Variants in LRP1B observed in about 807,000 individuals in gnomAD.
LRP1B encodes low-density lipoprotein receptor-related protein 1B.
In LRP1B, 217 loss-of-function variants were observed where a neutral mutation model predicts 556.6. The observed-to-expected ratio is 0.39, with a 90% CI of 0.35 to 0.44. LRP1B has a LOEUF of 0.44. Among genes scored for constraint, LRP1B ranks in the 20% least tolerant of loss-of-function variants. The pLI, the probability that LRP1B is intolerant of heterozygous loss-of-function variation, is 1.00. For synonymous variants in LRP1B, 2,047 were observed against 1,865.8 expected (o/e 1.10, Z -2.50); for missense variants, 5,053 against 5,620.8 (o/e 0.90, Z 3.23).
rs1697888910 is a variant in LRP1B, at chr2:141,015,983, C to T, written c.1971-68G>A. The T allele has an allele frequency of 1.0e-5, 12 of 1,200,776 alleles. No individual in the cohort carries two copies. In the South Asian group the frequency reaches 1.3e-4, roughly 13 times the overall value. The allele number at this position is 1,200,776 out of a possible 1,614,324, so 74.4% of individuals were successfully genotyped here. On this transcript the variant is annotated intron_variant, in intron 12 of 90. Transcript: ENST00000389484. The stretch of plus-strand genomic sequence containing the variant: ...CAACCAGCCACAGTATAGACACTTC[C>T]TCAGATTTGGCAGTTCCATAAATTC...
At chr2:140,659,235 C>G (rs560567061) in intron 41 of LRP1B, among the ~76,000 whole-genome samples, 3 of 149,926 alleles carry the variant, frequency 2.0e-5, no homozygotes, top group Non-Finnish European at 4.4e-5. Context: ...TAAGAAGATC[C>G]CACTTTACTG....
intron 1 of LRP1B, among the ~76,000 whole-genome samples, chr2:142,002,018 A>G (rs1486689017): frequency 6.6e-6 from 1 of 152,182 alleles, no homozygotes; most frequent in Non-Finnish European, 1.5e-5. Context: ...ACATTAATTC[A>G]ACTAAAAAAG....
intron 5 of LRP1B, among the ~76,000 whole-genome samples, chr2:141,241,235 C>G (rs184330615): frequency 6.6e-6 from 1 of 152,078 alleles, no homozygotes. Flanking sequence ...AGTAAAAATA[C>G]TCCATAAAAT....
chr2:141,960,956 CTTTT>C (rs982883339), intron 1 of LRP1B, among the ~76,000 whole-genome samples: 1 of 151,526 alleles, frequency 6.6e-6, no homozygotes, highest in Admixed American at 6.6e-5. Context: ...ATCAGCTCAG[CTTTT>C]TTTATTAAAT....
intron 27 of LRP1B, 140 bp from the exon 28 acceptor site, chr2:140,851,923 C>A: frequency 1.8e-6 from 1 of 563,604 alleles, no homozygotes; most frequent in Non-Finnish European, 3.1e-6. Flanking sequence ...ATTAATATGA[C>A]AATAATAGAC....
At chr2:140,548,076 G>C (rs535671778) in intron 43 of LRP1B, among the ~76,000 whole-genome samples, 52 of 151,980 alleles carry the variant, frequency 3.4e-4, no homozygotes, top group African/African-American at 1.2e-3. Context: ...TAGCCAATAA[G>C]AGAATTATAC....
intron 3 of LRP1B, among the ~76,000 whole-genome samples, chr2:141,359,434 G>A (rs1329204852): frequency 6.6e-6 from 1 of 152,080 alleles, no homozygotes; most frequent in Admixed American, 6.6e-5. Flanking sequence ...AATGACTTAC[G>A]AGGAAAAGCG....
intron 1 of LRP1B, among the ~76,000 whole-genome samples, chr2:142,098,200 T>C (rs1024673698): frequency 6.6e-6 from 1 of 151,702 alleles, no homozygotes; most frequent in Non-Finnish European, 1.5e-5. Flanking sequence ...TTGCTGGAGA[T>C]TGGATCCAGA....
intron 2 of LRP1B, among the ~76,000 whole-genome samples, chr2:141,544,315 TC>T (rs747968477): frequency 6.9e-5 from 2 of 29,110 alleles, no homozygotes; most frequent in African/African-American, 2.0e-4. Context: ...TTCTTCTTCT[TC>T]TTCTTCTTCT....
chr2:141,812,463 T>TCCCA (rs952495067), intron 1 of LRP1B, among the ~76,000 whole-genome samples: 47 of 152,168 alleles, frequency 3.1e-4, no homozygotes, highest in African/African-American at 1.1e-3. Context: ...TCTCCCTTCC[T>TCCCA]CCCAAACCAT....
Position 140,325,797 on chromosome 2 carries a change from C to A in LRP1B, c.12305G>T (p.Gly4102Val), listed in dbSNP as rs2105064044. 1 of 1,612,704 alleles carries A rather than the reference C, an allele frequency of 6.2e-7. No individual in the cohort carries two copies. The highest frequency in any genetic ancestry group is 2.2e-5 in the East Asian group (1 of 44,708). ...LSIIGSVLYD[G>V]SNSVVSVSSK... The stretch of plus-strand genomic sequence containing the variant: ...GCTGACAGAGACTACTGAATTAGAG[C>A]CATCATACAGAACACTGCCAATGAT... The change falls in exon 80 of 91, where the codon GGC becomes GTC. Residue 4102 changes from glycine (G) to valine (V), a missense_variant. Physicochemically the swap from Gly to Val is moderately radical, Grantham distance 109. This residue lies in a region of LRP1B where 551 missense variants were observed against 592.0 expected (regional missense o/e 0.93). Coordinates refer to ENST00000389484, the MANE Select transcript of LRP1B (RefSeq NM_018557.3).
At chr2:141,072,221 C>A (rs1699666295) in intron 7 of LRP1B, among the ~76,000 whole-genome samples, 1 of 152,072 alleles carries the variant, frequency 6.6e-6, no homozygotes, top group African/African-American at 2.4e-5. Context: ...ATGGTAAAAT[C>A]CACTGCTTTG....
intron 33 of LRP1B, among the ~76,000 whole-genome samples, chr2:140,773,566 A>G (rs1689391524): frequency 6.6e-6 from 1 of 151,950 alleles, no homozygotes; most frequent in African/African-American, 2.4e-5. Flanking sequence ...CTGGGGCTGT[A>G]TATTTTTAAT....
chr2:140,446,597 T>C (rs911011017), intron 63 of LRP1B, among the ~76,000 whole-genome samples: 1 of 152,080 alleles, frequency 6.6e-6, no homozygotes, highest in Non-Finnish European at 1.5e-5. Flanking sequence ...ACCATGACTC[T>C]CAAGCAAAGT....
intron 35 of LRP1B, among the ~76,000 whole-genome samples, chr2:140,739,469 T>C (rs1462198724): frequency 1.3e-5 from 2 of 151,968 alleles, no homozygotes; most frequent in Non-Finnish European, 2.9e-5. Context: ...GTGTAAGAAA[T>C]TCAGAGGTTG....
chr2:140,373,501 T>A (rs984773326), intron 68 of LRP1B, among the ~76,000 whole-genome samples: 4 of 152,030 alleles, frequency 2.6e-5, no homozygotes, highest in African/African-American at 7.2e-5. Flanking sequence ...TAAAAAAAAA[T>A]TTTATGGCTT....
chr2:142,057,212 T>C (rs1704708513), intron 1 of LRP1B, among the ~76,000 whole-genome samples: 1 of 152,160 alleles, frequency 6.6e-6, no homozygotes, highest in Non-Finnish European at 1.5e-5. Flanking sequence ...ACATTGCACC[T>C]TAATTACCCC....
intron 18 of LRP1B, among the ~76,000 whole-genome samples, chr2:140,956,569 A>G (rs575091940): frequency 6.6e-6 from 1 of 151,880 alleles, no homozygotes; most frequent in South Asian, 2.1e-4. Flanking sequence ...CTAGATATTG[A>G]CACTAGTTGT....
chr2:140,639,517 G>A (rs964030790), intron 41 of LRP1B, among the ~76,000 whole-genome samples: 2 of 152,078 alleles, frequency 1.3e-5, no homozygotes, highest in Non-Finnish European at 1.5e-5. Flanking sequence ...AGCTTCATTC[G>A]AATAGGTCAA....
Sources: gnomAD v4.1 joint callset for allele counts (sites outside exome capture counted in the v4.1 genomes callset) on GRCh38, gnomAD v4.1.1 for gene constraint, gnomAD v4.1.1 regional missense constraint, MANE v1.5 for transcripts, NCBI Gene and HGNC (gene_info 2026-07-23, HGNC 2026-07-21) for gene names.